IAH1: variants seen among roughly 807,000 people sequenced by gnomAD.
IAH1 encodes the protein isoamyl acetate hydrolyzing esterase 1 (putative).
In IAH1, 24 loss-of-function variants were observed where a neutral mutation model predicts 26.7. That is an observed-to-expected ratio of 0.90 (90% CI 0.65 to 1.26). IAH1 has a LOEUF of 1.26. Ranked by LOEUF, IAH1 falls within the 50% of genes most tolerant of loss-of-function variation. The pLI, the probability that IAH1 is intolerant of heterozygous loss-of-function variation, is 0.00. For synonymous variants in IAH1, 140 were observed against 118.5 expected (o/e 1.18, Z -1.18); for missense variants, 300 against 299.9 (o/e 1.00, Z 0.00).
rs1244536890 is a variant in IAH1 at position 9,474,553 on chromosome 2, C to CGCCCCGCCCG, written c.-10_-9insCGCCCGGCCC. 70 of 1,463,710 alleles carry CGCCCCGCCCG rather than the reference C, an allele frequency of 4.8e-5. No individual in the cohort carries two copies. Among genetic ancestry groups the CGCCCCGCCCG allele is most frequent in the Non-Finnish European group, 6.2e-5 (69 of 1,110,996 alleles). 90.7% of individuals were successfully genotyped at this position (1,463,710 alleles called of 1,614,324 possible). On this transcript the variant is annotated 5_prime_UTR_variant, in exon 1 of 6. Coordinates refer to ENST00000497473, the MANE Select transcript of IAH1 (RefSeq NM_001039613.3). The surrounding 1 kb of genome is among the most constrained non-coding windows in gnomAD (Gnocchi z 4.3). ...CGTGGCTGGCGGCCCCGCCCCGCCCCGCCCGGCTGCTCCATGGCGCTGTGC... is the reference window on the plus strand; with the variant it reads ...CGTGGCTGGCGGCCCCGCCCCGCCCCGCCCCGCCCGGCCCGGCTGCTCCATGGCGCTGTGC...
downstream of IAH1, chr2:9,496,550 C>T (rs1662616412): frequency 2.0e-5 from 3 of 152,838 alleles, no homozygotes; most frequent in Admixed American, 2.0e-4. Flanking sequence ...CCCAGGGGTT[C>T]CAAAATAGCA....
At chr2:9,496,441 T>C (rs940583787) in exon 7 of IAH1, 1 of 152,114 alleles carries the variant, frequency 6.6e-6, no homozygotes, top group Non-Finnish European at 1.5e-5. Context: ...TCTGTCTATT[T>C]TGAAAGCAAG....
In IAH1 at chr2:9,481,309, C is replaced by T; in HGVS notation, c.307C>T (p.Pro103Ser). Residue 103 changes from proline to serine, a missense_variant, in exon 4 of 6, where the codon CCC becomes TCC. Coordinates refer to ENST00000497473, the MANE Select transcript of IAH1 (RefSeq NM_001039613.3). The stretch of plus-strand genomic sequence containing the variant: ...AGATGAGAATCCCAAGCAGCACATT[C>T]CCCTGGAGGAGTACGCTGCGAACCT... ...LKDENPKQHI[P>S]LEEYAANLKS... 1 of 1,614,206 alleles carries T rather than the reference C, an allele frequency of 6.2e-7. No individual in the cohort carries two copies. The highest frequency in any genetic ancestry group is 8.5e-7 in the Non-Finnish European group (1 of 1,180,032).
downstream of IAH1, chr2:9,491,044 G>A: frequency 6.6e-7 from 1 of 1,509,568 alleles, no homozygotes. Flanking sequence ...GAAGGTCTTT[G>A]CCTAACAGGG....
chr2:9,509,910 A>G, the IAH1 span: 1 of 1,563,176 alleles, frequency 6.4e-7, no homozygotes, highest in South Asian at 1.2e-5. Context: ...TACGTTTCTG[A>G]GCTCTCATTA....
At chr2:9,476,309 G>C (rs751088084) in intron 2 of IAH1, among the ~76,000 whole-genome samples, 1 of 152,246 alleles carries the variant, frequency 6.6e-6, no homozygotes, top group Non-Finnish European at 1.5e-5. Flanking sequence ...GGGGCAGACA[G>C]ATCCAAGTCC....
At chr2:9,476,979 C>G (rs1324443863) in intron 2 of IAH1, among the ~76,000 whole-genome samples, 1 of 152,196 alleles carries the variant, frequency 6.6e-6, no homozygotes, top group East Asian at 1.9e-4. Context: ...ACCTCTGGGG[C>G]TGAAGGCATC....
downstream of IAH1, among the ~76,000 whole-genome samples, chr2:9,492,137 CAG>C (rs1000964741): frequency 6.6e-6 from 1 of 152,178 alleles, no homozygotes; most frequent in African/African-American, 2.4e-5. Flanking sequence ...CCTTTGTCAT[CAG>C]AGTTGTGCTG....
At chr2:9,504,274 G>A in the IAH1 span, among the ~76,000 whole-genome samples, 6 of 151,488 alleles carry the variant, frequency 4.0e-5, no homozygotes, top group African/African-American at 1.5e-4. Flanking sequence ...CTAAAACTCC[G>A]TCTCTACTAA....
downstream of IAH1, among the ~76,000 whole-genome samples, chr2:9,496,879 T>C (rs755887607): frequency 7.9e-5 from 12 of 152,128 alleles, no homozygotes; most frequent in Non-Finnish European, 1.8e-4. Flanking sequence ...AAGCCTGCCA[T>C]ATGGCCTGAA....
At chr2:9,484,577 G>A in intron 5 of IAH1, 27 bp downstream of exon 5, 2 of 1,462,128 alleles carry the variant, frequency 1.4e-6, no homozygotes, top group South Asian at 1.1e-5. Flanking sequence ...GGTCCTCTCG[G>A]GGTAAATAGG....
In IAH1 at chr2:9,474,697, CG is replaced by C. The variant is rs1420568392; in HGVS notation, c.81+51del. 1 of 1,382,400 alleles carries C rather than the reference CG, an allele frequency of 7.2e-7. No homozygotes were observed. Among genetic ancestry groups the C allele is most frequent in the East Asian group, 2.8e-5 (1 of 35,962 alleles). The allele number at this position is 1,382,400 out of a possible 1,614,324, so 85.6% of individuals were successfully genotyped here. A position where few individuals can be genotyped will look rare whatever the true frequency, so the allele number is the denominator to read the frequency against. ...TCCCGCCCCGGCCTCCCTGCGGGGT[CG>C]CTGCCGAGCAGGCCGAGGCTCCTCG... is the stretch of plus-strand genomic sequence containing the variant. On this transcript the variant is annotated intron_variant, in intron 1 of 5. Transcript: ENST00000497473. The surrounding 1 kb of genome is among the most constrained non-coding windows in gnomAD (Gnocchi z 4.3).
the IAH1 span, among the ~76,000 whole-genome samples, chr2:9,508,883 C>T: frequency 1.3e-5 from 2 of 151,882 alleles, no homozygotes; most frequent in South Asian, 4.2e-4. Context: ...TTCTCTGGCA[C>T]AAGTTGTCAA....
chr2:9,482,591 T>C (rs1661251302), intron 4 of IAH1, among the ~76,000 whole-genome samples: 1 of 152,104 alleles, frequency 6.6e-6, no homozygotes, highest in African/African-American at 2.4e-5. Flanking sequence ...CGGCCCAAGA[T>C]CACACAGCCA....
At chr2:9,510,963 TAA>T in the IAH1 span, among the ~76,000 whole-genome samples, 1 of 152,246 alleles carries the variant, frequency 6.6e-6, no homozygotes, top group African/African-American at 2.4e-5. Context: ...ATGTAATTTA[TAA>T]GATATACTGG....
the IAH1 span, chr2:9,509,930 T>G: frequency 3.1e-6 from 5 of 1,604,296 alleles, no homozygotes; most frequent in Non-Finnish European, 4.3e-6. Flanking sequence ...ATGATCATTA[T>G]ACACAGCCTC....
At chr2:9,493,287 G>T (rs555281140), downstream of IAH1, among the ~76,000 whole-genome samples, 117 of 152,284 alleles carry the variant, frequency 7.7e-4, no homozygotes, top group African/African-American at 2.8e-3. Flanking sequence ...TGCTTAAGAA[G>T]ACAAAGTTTT....
chr2:9,491,344 CT>C (rs1662127666), downstream of IAH1, among the ~76,000 whole-genome samples: 1 of 152,198 alleles, frequency 6.6e-6, no homozygotes, highest in African/African-American at 2.4e-5. Context: ...GAAGTGTTTC[CT>C]TTGCACTCAA....
upstream of IAH1, chr2:9,473,939 T>C (rs1489807888): frequency 2.0e-5 from 3 of 151,954 alleles, no homozygotes; most frequent in East Asian, 5.8e-4. Flanking sequence ...AACAGGTGAA[T>C]CCCTTGGAAG....
Sources: allele counts gnomAD v4.1 joint callset (sites outside exome capture counted in the v4.1 genomes callset), GRCh38; gene constraint gnomAD v4.1.1; non-coding constraint Gnocchi (gnomAD v3.1); transcripts MANE v1.5; gene names NCBI Gene and HGNC (gene_info 2026-07-23, HGNC 2026-07-21).